The following C3orf22 variants were observed in gnomAD, a reference collection of about 807,000 sequenced individuals.
C3orf22 encodes chromosome 3 open reading frame 22.
C3orf22 carries 7 observed loss-of-function variants against 10.8 expected under a neutral mutation model. That is an observed-to-expected ratio of 0.65 (90% confidence interval 0.37 to 1.22). C3orf22 has a LOEUF of 1.22. Among genes scored for constraint, C3orf22 ranks in the 50% most tolerant of loss-of-function variants. C3orf22 has a pLI of 0.02. For missense variants in C3orf22, 173 were observed against 177.0 expected (o/e 0.98, Z 0.13); for synonymous variants, 79 against 78.9 (o/e 1.00, Z 0.00).
downstream of C3orf22, among the ~76,000 whole-genome samples, chr3:126,548,430 C>T (rs2107577892): frequency 6.6e-6 from 1 of 152,346 alleles, no homozygotes; most frequent in Middle Eastern, 3.4e-3. Flanking sequence ...CCTGGTTATG[C>T]TGCATGGTAA....
intron 4 of C3orf22, chr3:126,543,400 A>AT (rs1222811519): frequency 2.0e-5 from 3 of 152,270 alleles, no homozygotes; most frequent in Non-Finnish European, 4.4e-5. Flanking sequence ...GCCAAGTGGC[A>AT]TAAGAAGATC....
intron 4 of C3orf22, among the ~76,000 whole-genome samples, chr3:126,535,149 CCCAGCCGGGAGACAGACAGCA>C (rs1936750282): frequency 6.9e-6 from 1 of 145,982 alleles, no homozygotes. Context: ...CATCCCTGTC[CCCAGCCGGGAGACAGACAGCA>C]TCCCTGTCCC....
chr3:126,553,531 A>C (rs1937255056), intron 1 of C3orf22, 101 bp from the exon 2 acceptor site: 2 of 732,756 alleles, frequency 2.7e-6, no homozygotes, highest in African/African-American at 1.7e-5. Context: ...CGGGCCGCCA[A>C]ATGACCTGCA....
At chr3:126,539,822 A>C in intron 4 of C3orf22, among the ~76,000 whole-genome samples, 1 of 59,030 alleles carries the variant, frequency 1.7e-5, no homozygotes, top group Non-Finnish European at 3.2e-5. Context: ...CCACAAACAC[A>C]CATACCACAC....
intron 4 of C3orf22, among the ~76,000 whole-genome samples, chr3:126,544,233 C>T (rs903540148): frequency 3.9e-5 from 6 of 152,110 alleles, no homozygotes; most frequent in Non-Finnish European, 8.8e-5. Flanking sequence ...TGTACTCAGC[C>T]CCCTCACCAC....
chr3:126,555,764 C>T lies in C3orf22; in HGVS notation c.-40-2334G>A, dbSNP rs146794121. Among the ~76,000 whole-genome samples, 1,418 of 152,294 alleles carry T rather than the reference C, an allele frequency of 9.3e-3. 14 individuals are homozygous for T. The highest frequency in any genetic ancestry group is 0.012 in the Non-Finnish European group (821 of 68,008). ...GCCACCCCCTGGCCTCAAAGACCCT[C>T]TAACACCCTTGCCAGCCACCCCCTA... On this transcript the variant is annotated intron_variant, in intron 1 of 3. Transcript: ENST00000318225.
intron 4 of C3orf22, chr3:126,541,894 G>C (rs1050699958): frequency 8.7e-6 from 14 of 1,600,672 alleles, no homozygotes; most frequent in African/African-American, 1.4e-5. Flanking sequence ...ACGTGCCCAA[G>C]GTGGCCTGCA....
At chr3:126,539,805 CCA>C (rs1202628057) in intron 4 of C3orf22, among the ~76,000 whole-genome samples, 1 of 73,710 alleles carries the variant, frequency 1.4e-5, no homozygotes, top group African/African-American at 7.3e-5. Context: ...AGACACCACA[CCA>C]CACACCACAA....
downstream of C3orf22, among the ~76,000 whole-genome samples, chr3:126,548,577 G>A (rs1454605187): frequency 1.3e-5 from 2 of 152,350 alleles, no homozygotes; most frequent in African/African-American, 4.8e-5. Flanking sequence ...AGGGATCTTT[G>A]CTTCCTGCAG....
rs1937138293 is a variant in C3orf22, at chr3:126,549,804, C to T, written c.*64G>A. 6.5e-7 allele frequency: 1 copy of T among 1,548,872 alleles called. No homozygotes were observed. The highest frequency in any genetic ancestry group is 1.4e-5 in the African/African-American group (1 of 73,274). On this transcript the variant is annotated 3_prime_UTR_variant, in exon 4 of 4. Coordinates refer to ENST00000318225, the MANE Select transcript of C3orf22 (RefSeq NM_152533.3). ...GATCCCTTTACTAAAGTCTCTGTGG[C>T]TACTGCCCAGAGCCTGCCAAGGAGA...
At chr3:126,535,598 ACAGCCGGACAGC>A (rs1486938805) in intron 4 of C3orf22, among the ~76,000 whole-genome samples, 30 of 151,980 alleles carry the variant, frequency 2.0e-4, no homozygotes, top group African/African-American at 7.3e-4. Context: ...CAGTCGGGAG[ACAGCCGGACAGC>A]ATCACTTTTC....
At chr3:126,552,297 C>G (rs2107581752) in intron 2 of C3orf22, 175 bp from the exon 3 acceptor site, 1 of 575,952 alleles carries the variant, frequency 1.7e-6, no homozygotes, top group South Asian at 7.6e-5. Context: ...ACTTTACAGA[C>G]AAGGAAACTG....
Position 126,549,892 on chromosome 3 carries a change from T to C in C3orf22, c.402A>G (p.Ala134=). ...EAACPQTSKA[A]GLSRGLS ...TCTAGGAGAGGCCCCTGGACAGCCC[T>C]GCCGCCTTGCTGGTCTGGGGGCAGG... The change falls in exon 4 of 4, where the codon GCA becomes GCG. Residue 134 remains alanine (A), a synonymous_variant. Coordinates refer to ENST00000318225, the MANE Select transcript of C3orf22 (RefSeq NM_152533.3). The C allele has an allele frequency of 6.2e-7, 1 of 1,613,694 alleles. No individual in the cohort carries two copies. The highest frequency in any genetic ancestry group is 1.7e-5 in the Admixed American group (1 of 60,000).
intron 4 of C3orf22, among the ~76,000 whole-genome samples, chr3:126,539,998 CACAA>C (rs1239523954): frequency 1.2e-3 from 148 of 121,432 alleles, no homozygotes; most frequent in Admixed American, 4.1e-3. Flanking sequence ...GACACACACA[CACAA>C]ATGCCACACA....
At position 126,532,109 on chromosome 3, in the gene C3orf22, T is replaced by C. The variant is rs572493585; in HGVS notation, c.287-2737A>G. Among the ~76,000 whole-genome samples the C allele has an allele frequency of 2.4e-4, 36 of 152,340 alleles. No homozygotes were observed. The East Asian group carries it at 6.4e-3, about 27-fold the overall frequency. ...TCAGATTCTTTGCCCATTTAAAAAA[T>C]TGAGTTGTCTTTTGTTGTTCCATTG... On this transcript the variant is annotated intron_variant and NMD_transcript_variant, in intron 4 of 5. Coordinates refer to the C3orf22 transcript ENST00000505070.
chr3:126,558,473 G>A (rs1937405573), intron 1 of C3orf22, among the ~76,000 whole-genome samples, 154 bp downstream of exon 1: 1 of 152,134 alleles, frequency 6.6e-6, no homozygotes, highest in Non-Finnish European at 1.5e-5. Flanking sequence ...TGCTGAATCT[G>A]CCCCACAGGG....
At chr3:126,551,916 C>A (rs1005689750) in intron 3 of C3orf22, 81 bp downstream of exon 3, 17 of 1,474,688 alleles carry the variant, frequency 1.2e-5, no homozygotes, top group Non-Finnish European at 1.5e-5. Context: ...ACATGAACGT[C>A]TGCATGCAAA....
At chr3:126,536,863 GCT>G (rs75727605) in intron 4 of C3orf22, among the ~76,000 whole-genome samples, 78,092 of 141,404 alleles carry the variant, frequency 0.55, 23,084 homozygotes, top group South Asian at 0.74. Flanking sequence ...CCACACTCTG[GCT>G]CTCTCTCTCT....
At chr3:126,528,311 G>A (rs576924228) in intron 5 of C3orf22, among the ~76,000 whole-genome samples, 6 of 152,252 alleles carry the variant, frequency 3.9e-5, no homozygotes, top group Admixed American at 2.0e-4. Context: ...ACTGGGCAAG[G>A]TTGCAGGGGT....
Sources: gnomAD v4.1 joint callset for allele counts (sites outside exome capture counted in the v4.1 genomes callset) on GRCh38, gnomAD v4.1.1 for gene constraint, MANE v1.5 for transcripts, NCBI Gene and HGNC (gene_info 2026-07-23, HGNC 2026-07-21) for gene names.